The following ATP2A1 variants were observed in gnomAD, a reference collection of about 807,000 sequenced individuals.
The protein encoded by ATP2A1 is sarcoplasmic/endoplasmic reticulum calcium ATPase 1.
In ATP2A1, 83 loss-of-function variants were observed where a neutral mutation model predicts 109.5. That is an observed-to-expected ratio of 0.76 (90% CI 0.63 to 0.91). The LOEUF (loss-of-function observed/expected upper bound fraction) is 0.91, where lower values mean the gene tolerates loss of function less well. Ranked by LOEUF, ATP2A1 falls within the 40% of genes least tolerant of loss-of-function variation. ATP2A1 has a pLI of 0.00. For synonymous variants in ATP2A1, 505 were observed against 537.6 expected (o/e 0.94, Z 0.84); for missense variants, 1,101 against 1,341.0 (o/e 0.82, Z 2.80).
At chr16:28,878,870 C>A in intron 1 of ATP2A1, 81 bp downstream of exon 1, 1 of 1,480,612 alleles carries the variant, frequency 6.8e-7, no homozygotes, top group Non-Finnish European at 9.4e-7. Flanking sequence ...GCACGCGTTT[C>A]TCCCTTCAGG....
In ATP2A1 at chr16:28,898,563, T is replaced by A; in HGVS notation, c.1764+112T>A. The A allele has an allele frequency of 7.9e-7, 1 of 1,261,388 alleles. No individual in the cohort carries two copies. The highest frequency in any genetic ancestry group is 2.0e-5 in the Admixed American group (1 of 50,474). The allele number at this position is 1,261,388 out of a possible 1,614,324, so 78.1% of individuals were successfully genotyped here. A position where few individuals can be genotyped will look rare whatever the true frequency, so the allele number is the denominator to read the frequency against. On this transcript the variant is annotated intron_variant, in intron 14 of 22. Transcript: ENST00000395503. The surrounding 1 kb of genome is among the most constrained non-coding windows in gnomAD (Gnocchi z 4.0). ...TTTCCTACCTCGTCAGTCAAGTTGA[T>A]GGCTCCTTAGTACAGGCCATGGAAT...
At position 28,879,670 on chromosome 16, in the gene ATP2A1, C is replaced by G. The variant is rs1170381208; in HGVS notation, c.219+87C>G. 9 of 1,422,246 alleles carry G rather than the reference C, an allele frequency of 6.3e-6. No individual in the cohort carries two copies. In the Admixed American group the frequency reaches 9.6e-5, roughly 15 times the overall value. 88.1% of individuals were successfully genotyped at this position (1,422,246 alleles called of 1,614,324 possible). ...GGGGCTCGCAGTCACTGGATCCTCC[C>G]GTCCGAGTCCCGAGCATCCCATTGT... On this transcript the variant is annotated intron_variant, in intron 3 of 22. Transcript: ENST00000395503.
In ATP2A1 at chr16:28,903,244, G is replaced by A; in HGVS notation, c.2863-79G>A. ...ACCAGGGGCGCCGATGTGGGAGGCT[G>A]GTGGGAGTGGGCTGGGCAGTGCTGG... On this transcript the variant is annotated intron_variant, in intron 20 of 22. Coordinates refer to ENST00000395503, the MANE Select transcript of ATP2A1 (RefSeq NM_004320.6). The surrounding 1 kb of genome is among the most constrained non-coding windows in gnomAD (Gnocchi z 5.6). 6 of 1,571,290 alleles carry A rather than the reference G, an allele frequency of 3.8e-6. No homozygotes were observed. The South Asian group carries it at 6.6e-5, about 17-fold the overall frequency.
Position 28,891,589 on chromosome 16 carries a change from C to CAAAA in ATP2A1, c.1096-2551_1096-2548dup, listed in dbSNP as rs58605175. Among the ~76,000 whole-genome samples the CAAAA allele has an allele frequency of 3.6e-4, 26 of 72,672 alleles. 2 individuals are homozygous for CAAAA. The highest frequency in any genetic ancestry group is 4.1e-4 in the Non-Finnish European group (17 of 41,818). The allele number at this position is 72,672 out of a possible 152,430, so 47.7% of individuals were successfully genotyped here. A position where few individuals can be genotyped will look rare whatever the true frequency, so the allele number is the denominator to read the frequency against. On this transcript the variant is annotated intron_variant, in intron 9 of 22. Transcript: ENST00000395503. ...TGGGCGACAGAGCGAGACTCCGTCT[C>CAAAA]AAAAAAAAAAAAAAAAAAGTAGCCA...
chr16:28,896,012 A>G (rs946474971), intron 12 of ATP2A1, among the ~76,000 whole-genome samples: 6 of 151,726 alleles, frequency 4.0e-5, no homozygotes, highest in Admixed American at 2.0e-4. Flanking sequence ...TGCAATGGCT[A>G]TTCATAGGTG....
intron 12 of ATP2A1, among the ~76,000 whole-genome samples, chr16:28,897,793 G>A (rs1963959222): frequency 2.6e-5 from 4 of 152,180 alleles, no homozygotes; most frequent in African/African-American, 9.7e-5. Flanking sequence ...CTGTGGGACA[G>A]TGCCACAATA....
At position 28,903,511 on chromosome 16, in the gene ATP2A1, C is replaced by T; in HGVS notation, c.2980+71C>T. 2 of 1,413,312 alleles carry T rather than the reference C, an allele frequency of 1.4e-6. No homozygotes were observed. Among genetic ancestry groups the T allele is most frequent in the African/African-American group, 1.4e-5 (1 of 70,768 alleles). 87.5% of individuals were successfully genotyped at this position (1,413,312 alleles called of 1,614,324 possible). A position where few individuals can be genotyped will look rare whatever the true frequency, so the allele number is the denominator to read the frequency against. ...CCTTCCCCATGACGCCGCCCCCGCC[C>T]CGCCCCGTACTTTGCAGGTGGTAAG... On this transcript the variant is annotated intron_variant, in intron 21 of 22. Coordinates refer to ENST00000395503, the MANE Select transcript of ATP2A1 (RefSeq NM_004320.6). The surrounding 1 kb of genome is among the most constrained non-coding windows in gnomAD (Gnocchi z 5.6).
At position 28,902,007 on chromosome 16, in the gene ATP2A1, G is replaced by A; in HGVS notation, c.2245G>A (p.Glu749Lys). Residue 749 changes from glutamate to lysine, a missense_variant, in exon 16 of 23, where the codon GAG becomes AAG. By Grantham distance (56) the Glu-to-Lys change is moderately conservative. Transcript: ENST00000395503. The surrounding 1 kb of genome is among the most constrained non-coding windows in gnomAD (Gnocchi z 4.8). Reference sequence around the variant, plus strand: ...CTCCACCATCGTAGCTGCTGTGGAGGAGGGCCGCGCCATCTACAACAACAT... The same window carrying A: ...CTCCACCATCGTAGCTGCTGTGGAGAAGGGCCGCGCCATCTACAACAACAT... Reference protein sequence around the residue: ...NFSTIVAAVEEGRAIYNNMKQ... With the variant: ...NFSTIVAAVEKGRAIYNNMKQ... 1 of 1,614,222 alleles carries A rather than the reference G, an allele frequency of 6.2e-7. No homozygotes were observed. The highest frequency in any genetic ancestry group is 8.5e-7 in the Non-Finnish European group (1 of 1,180,040).
chr16:28,899,656 C>CA, intron 14 of ATP2A1, among the ~76,000 whole-genome samples: 1 of 121,124 alleles, frequency 8.3e-6, no homozygotes, highest in Admixed American at 8.0e-5. Context: ...CGCCCCCCCC[C>CA]CCCCGAAAAA....
chr16:28,900,049 C>T (rs1226341605), intron 14 of ATP2A1, among the ~76,000 whole-genome samples: 1 of 150,966 alleles, frequency 6.6e-6, no homozygotes, highest in African/African-American at 2.4e-5. Flanking sequence ...AATCGCAGCA[C>T]ATTGGGAGGC....
chr16:28,894,105 T>G lies in ATP2A1; in HGVS notation c.1096-50T>G, dbSNP rs1224033387. ...GCCTCCCTTGATGCAGGTGCCCACC[T>G]TGGGATGGGAAGAGGTGGACATCTG... On this transcript the variant is annotated intron_variant, in intron 9 of 22. Coordinates refer to ENST00000395503, the MANE Select transcript of ATP2A1 (RefSeq NM_004320.6). 1.9e-6 allele frequency: 3 copies of G among 1,551,464 alleles called. No homozygotes were observed. In the Admixed American group the frequency reaches 5.1e-5, roughly 26 times the overall value.
At chr16:28,899,056 A>G (rs2152212209) in intron 14 of ATP2A1, among the ~76,000 whole-genome samples, 1 of 152,326 alleles carries the variant, frequency 6.6e-6, no homozygotes, top group Non-Finnish European at 1.5e-5. Context: ...TCATCTAGCA[A>G]ATGTGATCTG....
Position 28,902,692 on chromosome 16 carries a change from C to G in ATP2A1, c.2610+27C>G. The G allele has an allele frequency of 2.5e-6, 4 of 1,613,848 alleles. No individual in the cohort carries two copies. Among genetic ancestry groups the G allele is most frequent in the Non-Finnish European group, 3.4e-6 (4 of 1,179,868 alleles). ...TAGGGGGAGGCCACAAAGGAGGGGA[C>G]CAGGAGGGTGTGGGGATGCAGGAGG... On this transcript the variant is annotated intron_variant, in intron 18 of 22. Transcript: ENST00000395503. The surrounding 1 kb of genome is among the most constrained non-coding windows in gnomAD (Gnocchi z 4.8).
At chr16:28,882,800 G>A (rs1963523475) in intron 5 of ATP2A1, among the ~76,000 whole-genome samples, 1 of 152,214 alleles carries the variant, frequency 6.6e-6, no homozygotes, top group Non-Finnish European at 1.5e-5. Context: ...TCCTGTCCCT[G>A]AGGCTGCAGG....
rs145043756 is a variant in ATP2A1 at position 28,898,409 on chromosome 16, G to A, written c.1722G>A (p.Glu574=). The A allele has an allele frequency of 5.9e-5, 96 of 1,614,196 alleles. No individual in the cohort carries two copies. Among genetic ancestry groups the A allele is most frequent in the East Asian group, 3.3e-4 (15 of 44,880 alleles). ...LATRDTPPKR[E]EMVLDDSARF... ...CCCGGGACACCCCCCCGAAGCGAGA[G>A]GAAATGGTCCTGGATGACTCTGCCA... Residue 574 remains glutamate (E), a synonymous_variant, in exon 14 of 23, where the codon GAG becomes GAA. Transcript: ENST00000395503. The surrounding 1 kb of genome is among the most constrained non-coding windows in gnomAD (Gnocchi z 4.0).
At chr16:28,901,008 T>C (rs1424166278) in intron 15 of ATP2A1, 92 bp downstream of exon 15, 5 of 1,506,040 alleles carry the variant, frequency 3.3e-6, no homozygotes, top group South Asian at 2.3e-5. Flanking sequence ...CAGAGGGCCC[T>C]GGTAAGATGC....
intron 12 of ATP2A1, 75 bp from the exon 13 acceptor site, chr16:28,897,925 G>T: frequency 6.4e-7 from 1 of 1,568,848 alleles, no homozygotes; most frequent in South Asian, 1.1e-5. Flanking sequence ...GCCTTAGCTT[G>T]GGGTCTGCTC....
At chr16:28,878,901 G>A in intron 1 of ATP2A1, 112 bp downstream of exon 1, 4 of 1,382,100 alleles carry the variant, frequency 2.9e-6, no homozygotes, top group South Asian at 1.2e-5. Flanking sequence ...GAAGAGCTGG[G>A]CCGTTGTCCA....
rs1400606087 is a variant in ATP2A1 at position 28,880,094 on chromosome 16, G to A, written c.219+511G>A. The A allele has an allele frequency of 4.0e-6, 4 of 995,982 alleles. No individual in the cohort carries two copies. The highest frequency in any genetic ancestry group is 1.2e-4 in the Admixed American group (2 of 16,430). 61.7% of individuals were successfully genotyped at this position (995,982 alleles called of 1,614,324 possible). ...GATGACTCCAAGGAGCCCGGCGCCC[G>A]GTCAGGGAGGGCACTGGCATCCCTC... On this transcript the variant is annotated intron_variant, in intron 3 of 22. Coordinates refer to ENST00000395503, the MANE Select transcript of ATP2A1 (RefSeq NM_004320.6). The surrounding 1 kb of genome is among the most constrained non-coding windows in gnomAD (Gnocchi z 4.2).
Sources: allele counts gnomAD v4.1 joint callset (sites outside exome capture counted in the v4.1 genomes callset), GRCh38; gene constraint gnomAD v4.1.1; non-coding constraint Gnocchi (gnomAD v3.1); transcripts MANE v1.5; gene names NCBI Gene and HGNC (gene_info 2026-07-23, HGNC 2026-07-21).